Variants in SHE observed in about 807,000 individuals in gnomAD.
SHE encodes the protein SH2 domain-containing adapter protein E.
A neutral mutation model predicts 49.8 loss-of-function variants in SHE; 11 were observed. That is an observed-to-expected ratio of 0.22 (90% CI 0.14 to 0.37). SHE has a LOEUF of 0.37. Among genes scored for constraint, SHE ranks in the 10% least tolerant of loss-of-function variants. The pLI, the probability that SHE is intolerant of heterozygous loss-of-function variation, is 1.00. For missense variants in SHE, 624 were observed against 655.5 expected, an observed-to-expected ratio of 0.95 and a Z score of 0.52; for synonymous variants, 310 against 278.1, an observed-to-expected ratio of 1.11 and a Z score of -1.14.
intron 1 of SHE, among the ~76,000 whole-genome samples, chr1:154,472,228 C>T (rs944746936): frequency 3.3e-5 from 5 of 152,036 alleles, no homozygotes; most frequent in Middle Eastern, 3.2e-3. Context: ...GAGAGAGGTA[C>T]GGCATGGTAG....
At chr1:154,476,220 C>G (rs1156510551), downstream of SHE, among the ~76,000 whole-genome samples, 1 of 152,044 alleles carries the variant, frequency 6.6e-6, no homozygotes, top group Non-Finnish European at 1.5e-5. Context: ...GTGGCGCACA[C>G]CTGTGGTCCC....
intron 1 of SHE, among the ~76,000 whole-genome samples, chr1:154,499,862 G>C (rs889179668): frequency 1.3e-5 from 2 of 152,138 alleles, no homozygotes; most frequent in Non-Finnish European, 2.9e-5. Context: ...CTACAGACCA[G>C]ATAGGGTTTT....
chr1:154,485,915 G>A, intron 5 of SHE, 28 bp downstream of exon 5: 2 of 1,604,886 alleles, frequency 1.2e-6, no homozygotes, highest in Non-Finnish European at 1.7e-6. Context: ...TCCCCTTGGA[G>A]ATGAGGAAAG....
At chr1:154,478,495 T>C (rs895014143), downstream of SHE, among the ~76,000 whole-genome samples, 1 of 149,104 alleles carries the variant, frequency 6.7e-6, no homozygotes, top group African/African-American at 2.5e-5. Context: ...TACCACTTAC[T>C]ATGACTGACC....
At position 154,480,172 on chromosome 1, in the gene SHE, G is replaced by A; in HGVS notation, c.*3977C>T. The A allele has an allele frequency of 1.0e-6, 1 of 985,420 alleles. No homozygotes were observed. The highest frequency in any genetic ancestry group is 1.2e-6 in the Non-Finnish European group (1 of 829,940). The allele number at this position is 985,420 out of a possible 1,614,324, so 61.0% of individuals were successfully genotyped here. A position where few individuals can be genotyped will look rare whatever the true frequency, so the allele number is the denominator to read the frequency against. On this transcript the variant is annotated 3_prime_UTR_variant, in exon 6 of 6. Transcript: ENST00000304760. Reference sequence around the variant, plus strand: ...AAGAGTGATTCTAACCAGGTCATAAGGCCAAACTAGTGCTAGTTATGGAAA... The same window carrying A: ...AAGAGTGATTCTAACCAGGTCATAAAGCCAAACTAGTGCTAGTTATGGAAA...
intron 2 of SHE, among the ~76,000 whole-genome samples, chr1:154,497,300 A>T (rs933911110): frequency 6.6e-6 from 1 of 152,234 alleles, no homozygotes; most frequent in Non-Finnish European, 1.5e-5. Context: ...ACAGCTCTTC[A>T]ATCTGTTCTA....
chr1:154,477,208 C>T (rs1358248520), downstream of SHE, among the ~76,000 whole-genome samples: 1 of 152,186 alleles, frequency 6.6e-6, no homozygotes, highest in African/African-American at 2.4e-5. Context: ...TTTTCCCTTG[C>T]TCTGAGTCCA....
intron 5 of SHE, 126 bp from the exon 6 acceptor site, chr1:154,484,461 C>A (rs906712925): frequency 5.4e-6 from 4 of 734,280 alleles, no homozygotes; most frequent in Non-Finnish European, 8.9e-6. Context: ...GTTCTACACA[C>A]ACAGAAATGC....
In SHE at chr1:154,470,497, T is replaced by C. The variant is rs993551876; in HGVS notation, c.103-135A>G. The C allele has an allele frequency of 3.4e-5, 30 of 883,688 alleles. No homozygotes were observed. In the African/African-American group the frequency reaches 4.0e-4, roughly 12 times the overall value. 54.7% of individuals were successfully genotyped at this position (883,688 alleles called of 1,614,324 possible). A position where few individuals can be genotyped will look rare whatever the true frequency, so the allele number is the denominator to read the frequency against. ...ATTACAGGGCAGGGGCAGGAAACAG[T>C]GTTTGCCATCCTCCATCCTCCAGTA... is the stretch of plus-strand genomic sequence containing the variant. On this transcript the variant is annotated intron_variant, in intron 1 of 1. Transcript: ENST00000486773.
chr1:154,482,599 A>G lies in SHE; in HGVS notation c.*1550T>C. On this transcript the variant is annotated 3_prime_UTR_variant, in exon 6 of 6. Transcript: ENST00000304760. ...GCATATGGGGCAGTTTTGAGACCCA[A>G]ATGACCAACCCCAGAATACAGACAC... 4 of 985,446 alleles carry G rather than the reference A, an allele frequency of 4.1e-6. No individual in the cohort carries two copies. In the South Asian group the frequency reaches 1.9e-4, roughly 46 times the overall value. The allele number at this position is 985,446 out of a possible 1,614,324, so 61.0% of individuals were successfully genotyped here.
Position 154,501,792 on chromosome 1 carries a change from C to T in SHE, c.235G>A (p.Gly79Ser). The change falls in exon 1 of 6, where the codon GGC becomes AGC. Residue 79 changes from glycine to serine, a missense_variant. Coordinates refer to ENST00000304760, the MANE Select transcript of SHE (RefSeq NM_001010846.3). ...SEAGGAGPGPGKGRKNSAAEL... is the reference protein window; with the variant it reads ...SEAGGAGPGPSKGRKNSAAEL... Reference sequence around the variant, plus strand: ...GCCGCCGAGTTCTTGCGGCCCTTGCCAGGACCCGGCCCAGCGCCGCCCGCC... The same window carrying T: ...GCCGCCGAGTTCTTGCGGCCCTTGCTAGGACCCGGCCCAGCGCCGCCCGCC... The T allele has an allele frequency of 6.4e-7, 1 of 1,558,260 alleles. No individual in the cohort carries two copies. Among genetic ancestry groups the T allele is most frequent in the Non-Finnish European group, 8.6e-7 (1 of 1,159,294 alleles).
In SHE at chr1:154,501,733, G is replaced by T. The variant is rs1397943289; in HGVS notation, c.294C>A (p.Pro98=). 16 of 1,587,342 alleles carry T rather than the reference G, an allele frequency of 1.0e-5. 1 individual carries two copies. Among genetic ancestry groups the T allele is most frequent in the Non-Finnish European group, 1.4e-5 (16 of 1,170,690 alleles). The change falls in exon 1 of 6, where the codon CCC becomes CCA. Residue 98 remains proline (P), a synonymous_variant. Coordinates refer to ENST00000304760, the MANE Select transcript of SHE (RefSeq NM_001010846.3). The part of the protein sequence containing the change: ...ELGSGRAGVG[P]KDSRLSRDSL... ...TGTCGCGGGACAGCCGGCTGTCCTT[G>T]GGGCCGACGCCGGCCCTGCCGCTCC... is the stretch of plus-strand genomic sequence containing the variant.
Position 154,480,142 on chromosome 1 carries a change from T to C in SHE, c.*4007A>G, listed in dbSNP as rs1025867818. ...GGGGCACAAAAATTGGAAATGAGAA[T>C]ACAGAAGAGTGATTCTAACCAGGTC... On this transcript the variant is annotated 3_prime_UTR_variant, in exon 6 of 6. Transcript: ENST00000304760. The C allele has an allele frequency of 3.0e-6, 3 of 985,304 alleles. No homozygotes were observed. In the African/African-American group the frequency reaches 5.2e-5, roughly 17 times the overall value. The allele number at this position is 985,304 out of a possible 1,614,324, so 61.0% of individuals were successfully genotyped here.
chr1:154,501,091 C>G (rs562519420), intron 1 of SHE, among the ~76,000 whole-genome samples: 1 of 152,150 alleles, frequency 6.6e-6, no homozygotes, highest in African/African-American at 2.4e-5. Context: ...ACAAGCCTAG[C>G]TTTGCAATTC....
Position 154,502,015 on chromosome 1 carries a change from G to A in SHE, c.12C>T (p.Ser4=), listed in dbSNP as rs1383621078. 9.4e-6 allele frequency: 13 copies of A among 1,379,586 alleles called. No homozygotes were observed. The highest frequency in any genetic ancestry group is 6.5e-6 in the Non-Finnish European group (7 of 1,074,930). 85.5% of individuals were successfully genotyped at this position (1,379,586 alleles called of 1,614,324 possible). A position where few individuals can be genotyped will look rare whatever the true frequency, so the allele number is the denominator to read the frequency against. ...GACACGCAGAGGCGCCAGGGGTCGG[G>A]GACCACTGCATTCCCCGTGACTGGG... The part of the protein sequence containing the change: MQW[S]PTPGASACLG... The change falls in exon 1 of 6, where the codon TCC becomes TCT. Residue 4 remains serine (S), a synonymous_variant. Transcript: ENST00000304760.
chr1:154,491,503 T>C (rs1692363001), intron 2 of SHE, among the ~76,000 whole-genome samples: 1 of 152,216 alleles, frequency 6.6e-6, no homozygotes, highest in Admixed American at 6.5e-5. Flanking sequence ...TCTTCTCTGA[T>C]ACCCCACAAA....
At position 154,479,690 on chromosome 1, in the gene SHE, AAAT is replaced by A. The variant is rs1370752526; in HGVS notation, c.*4456_*4458del. The A allele has an allele frequency of 1.0e-6, 1 of 983,518 alleles. No individual in the cohort carries two copies. The highest frequency in any genetic ancestry group is 1.7e-5 in the African/African-American group (1 of 57,212). 60.9% of individuals were successfully genotyped at this position (983,518 alleles called of 1,614,324 possible). A position where few individuals can be genotyped will look rare whatever the true frequency, so the allele number is the denominator to read the frequency against. On this transcript the variant is annotated 3_prime_UTR_variant, in exon 6 of 6. Transcript: ENST00000304760. ...GAAACTATGTATTAGTTGATATCTA[AAAT>A]ATTAAAGCCCCTGACAAACTGAACG...
rs1383306157 is a variant in SHE, at chr1:154,485,929, T to C, written c.1301+14A>G. On this transcript the variant is annotated intron_variant, in intron 5 of 5. Transcript: ENST00000304760. ...TTCCCCTTGGAGATGAGGAAAGCCA[T>C]GGGGCTTACTTACTTTAGGGCAATG... is the stretch of plus-strand genomic sequence containing the variant. 1.9e-6 allele frequency: 3 copies of C among 1,611,388 alleles called. No individual in the cohort carries two copies. The highest frequency in any genetic ancestry group is 1.7e-6 in the Non-Finnish European group (2 of 1,177,650).
At chr1:154,469,855 T>C (rs1170362966) in exon 2 of SHE, 4 of 156,502 alleles carry the variant, frequency 2.6e-5, no homozygotes, top group African/African-American at 9.6e-5. Flanking sequence ...GATCATCAGA[T>C]AGACCAAATC....
Sources: gnomAD v4.1 joint callset for allele counts (sites outside exome capture counted in the v4.1 genomes callset) on GRCh38, gnomAD v4.1.1 for gene constraint, MANE v1.5 for transcripts, NCBI Gene and HGNC (gene_info 2026-07-23, HGNC 2026-07-21) for gene names.